The following KCND3 variants were observed in gnomAD, a reference collection of about 807,000 sequenced individuals.
The protein encoded by KCND3 is potassium voltage-gated channel subfamily D member 3, also known as A-type voltage-gated potassium channel KCND3.
In KCND3, 9 loss-of-function variants were observed where a neutral mutation model predicts 51.1. That is an observed-to-expected ratio of 0.18 (90% CI 0.11 to 0.31). KCND3 has a LOEUF of 0.31. Among genes scored for constraint, KCND3 ranks in the 10% least tolerant of loss-of-function variants. The pLI, the probability that KCND3 is intolerant of heterozygous loss-of-function variation, is 1.00. For synonymous variants in KCND3, 349 were observed against 368.0 expected (o/e 0.95, Z 0.59); for missense variants, 526 against 903.8 (o/e 0.58, Z 5.36).
intron 2 of KCND3, among the ~76,000 whole-genome samples, chr1:111,968,736 C>G (rs913721906): frequency 1.3e-5 from 2 of 152,178 alleles, no homozygotes; most frequent in South Asian, 4.1e-4. Context: ...CTGACAGGCT[C>G]CCCCACCTGG....
chr1:111,776,102 T>C lies in KCND3; in HGVS notation c.1943A>G (p.Asn648Ser), dbSNP rs766562520. The C allele has an allele frequency of 1.1e-5, 18 of 1,614,066 alleles. No homozygotes were observed. The highest frequency in any genetic ancestry group is 6.7e-5 in the East Asian group (3 of 44,896). The stretch of plus-strand genomic sequence containing the variant: ...TTACAAGGCGGAGACCTTGACAACA[T>C]TGCTGGCTATGGAAGGAATGTTCGT... The part of the protein sequence containing the change: ...PNTNIPSIAS[N>S]VVKVSAL The change falls in exon 8 of 8, where the codon AAT (asparagine) becomes AGT (serine). Residue 648 changes from asparagine to serine, a missense_variant. Asn to Ser is a conservative substitution (Grantham distance 46). Transcript: ENST00000302127.
At chr1:111,868,210 T>C (rs750488923) in intron 2 of KCND3, among the ~76,000 whole-genome samples, 3 of 152,206 alleles carry the variant, frequency 2.0e-5, no homozygotes, top group Non-Finnish European at 4.4e-5. Flanking sequence ...AGTGGTGTGA[T>C]GAAACCTCAT....
At chr1:111,917,941 T>C (rs575358630) in intron 2 of KCND3, among the ~76,000 whole-genome samples, 1 of 152,316 alleles carries the variant, frequency 6.6e-6, no homozygotes, top group Non-Finnish European at 1.5e-5. Flanking sequence ...TGATAAACAA[T>C]GGTAGTCTAC....
At chr1:111,809,176 C>T (rs1404970395) in intron 2 of KCND3, among the ~76,000 whole-genome samples, 1 of 152,150 alleles carries the variant, frequency 6.6e-6, no homozygotes, top group Non-Finnish European at 1.5e-5. Context: ...GAGGTGGAAA[C>T]CAGGGAAGTA....
chr1:111,848,172 TG>T (rs1203440750), intron 2 of KCND3, among the ~76,000 whole-genome samples: 2 of 152,152 alleles, frequency 1.3e-5, no homozygotes, highest in African/African-American at 4.8e-5. Flanking sequence ...CGCGATCGCC[TG>T]GAAGTCCCTG....
chr1:111,856,560 A>G (rs1385502323), intron 2 of KCND3, among the ~76,000 whole-genome samples: 1 of 152,118 alleles, frequency 6.6e-6, no homozygotes, highest in Admixed American at 6.5e-5. Flanking sequence ...AGCCTCCCTC[A>G]GGCCAGACCC....
At chr1:111,793,798 G>C (rs1664943546) in intron 2 of KCND3, among the ~76,000 whole-genome samples, 1 of 152,042 alleles carries the variant, frequency 6.6e-6, no homozygotes, top group African/African-American at 2.4e-5. Context: ...AAGAAAGAAA[G>C]GGTAAGAAAA....
At chr1:111,823,406 C>T (rs578173523) in intron 2 of KCND3, among the ~76,000 whole-genome samples, 11 of 152,304 alleles carry the variant, frequency 7.2e-5, no homozygotes, top group African/African-American at 2.4e-4. Context: ...ATAACATAGC[C>T]TGACACATCC....
At chr1:111,838,113 G>A (rs974458930) in intron 2 of KCND3, among the ~76,000 whole-genome samples, 5 of 152,106 alleles carry the variant, frequency 3.3e-5, no homozygotes, top group Non-Finnish European at 5.9e-5. Flanking sequence ...CCTCCTTTCC[G>A]TGATGTACTG....
chr1:111,979,300 G>A (rs970146316), intron 2 of KCND3, among the ~76,000 whole-genome samples: 2 of 152,354 alleles, frequency 1.3e-5, no homozygotes, highest in Non-Finnish European at 2.9e-5. Flanking sequence ...CAGGGTGAAT[G>A]ACAAAAGAAG....
chr1:111,786,675 G>C (rs1664617193), intron 3 of KCND3, among the ~76,000 whole-genome samples: 1 of 152,200 alleles, frequency 6.6e-6, no homozygotes. Context: ...TGAGGGAGTG[G>C]AGGTGGAGCC....
chr1:111,982,762 C>A lies in KCND3; in HGVS notation c.-36G>T. ...GCTCTTGGGCCGGCAGCCGCGCGGA[C>A]GCTAGGCACACCAGCTTGGAGTTAG... On this transcript the variant is annotated 5_prime_UTR_variant, in exon 2 of 8. Transcript: ENST00000302127. The surrounding 1 kb of genome is among the most constrained non-coding windows in gnomAD (Gnocchi z 8.5). The A allele has an allele frequency of 6.3e-7, 1 of 1,579,684 alleles. No individual in the cohort carries two copies. Among genetic ancestry groups the A allele is most frequent in the Non-Finnish European group, 8.5e-7 (1 of 1,170,050 alleles).
intron 2 of KCND3, among the ~76,000 whole-genome samples, chr1:111,875,965 C>T (rs1376141214): frequency 6.6e-6 from 1 of 152,198 alleles, no homozygotes; most frequent in African/African-American, 2.4e-5. Flanking sequence ...AGAAACAGGG[C>T]CAATGTGCTT....
intron 2 of KCND3, among the ~76,000 whole-genome samples, chr1:111,925,913 G>T (rs528594294): frequency 4.6e-5 from 7 of 152,102 alleles, no homozygotes; most frequent in African/African-American, 1.4e-4. Context: ...CTCTTTCCCA[G>T]CCTTAGTATC....
rs531117656 is a variant in KCND3 at position 111,780,498 on chromosome 1, G to A, written c.1372-184C>T. ...CTCAGGGGCCCTTGGTCTAAACCTG[G>A]TTTAGAGGTAGTGGTGATAATCCTA... On this transcript the variant is annotated intron_variant, in intron 4 of 7. Transcript: ENST00000302127. The surrounding 1 kb of genome is among the most constrained non-coding windows in gnomAD (Gnocchi z 4.2). Among the ~76,000 whole-genome samples the A allele has an allele frequency of 2.0e-5, 3 of 152,128 alleles. No individual in the cohort carries two copies. Among genetic ancestry groups the A allele is most frequent in the Admixed American group, 6.5e-5 (1 of 15,284 alleles).
At chr1:111,805,317 G>A (rs555498098) in intron 2 of KCND3, among the ~76,000 whole-genome samples, 2 of 152,290 alleles carry the variant, frequency 1.3e-5, no homozygotes, top group African/African-American at 4.8e-5. Flanking sequence ...CTGTTGGGAG[G>A]AACTCTTCCA....
intron 2 of KCND3, among the ~76,000 whole-genome samples, chr1:111,879,924 T>C (rs1669227481): frequency 1.3e-5 from 2 of 152,214 alleles, no homozygotes; most frequent in African/African-American, 2.4e-5. Context: ...TTACTACCTA[T>C]GAGAGCTTGG....
intron 2 of KCND3, among the ~76,000 whole-genome samples, chr1:111,961,209 GTGTCCTCAGC>G (rs1673637650): frequency 6.6e-6 from 1 of 152,218 alleles, no homozygotes; most frequent in East Asian, 1.9e-4. Flanking sequence ...TATGCAGTGT[GTGTCCTCAGC>G]TGTTCCTCAG....
intron 2 of KCND3, among the ~76,000 whole-genome samples, chr1:111,882,004 G>A (rs1168817328): frequency 6.6e-6 from 1 of 152,152 alleles, no homozygotes; most frequent in Non-Finnish European, 1.5e-5. Context: ...ATGGGACCCT[G>A]GTGAACTGAA....
Sources: gnomAD v4.1 joint callset for allele counts (sites outside exome capture counted in the v4.1 genomes callset) on GRCh38, gnomAD v4.1.1 for gene constraint, Gnocchi (gnomAD v3.1) non-coding constraint, MANE v1.5 for transcripts, NCBI Gene and HGNC (gene_info 2026-07-23, HGNC 2026-07-21) for gene names.